Variants in SLC35F3 observed in about 807,000 individuals in gnomAD.
SLC35F3 encodes putative thiamine transporter SLC35F3.
In SLC35F3, 25 loss-of-function variants were observed where a neutral mutation model predicts 49.9. That is an observed-to-expected ratio of 0.50 (90% CI 0.37 to 0.70). The LOEUF (loss-of-function observed/expected upper bound fraction) is 0.70, where lower values mean the gene tolerates loss of function less well. Among genes scored for constraint, SLC35F3 ranks in the 30% least tolerant of loss-of-function variants. The probability of loss-of-function intolerance (pLI) is 0.00; values close to 1 mark genes in which losing one functional copy is unlikely to be tolerated. For missense variants in SLC35F3, 525 were observed against 639.8 expected (o/e 0.82, Z 1.94); for synonymous variants, 275 against 265.4 (o/e 1.04, Z -0.35).
At chr1:234,092,947 C>T (rs1266336616) in intron 2 of SLC35F3, among the ~76,000 whole-genome samples, 4 of 152,164 alleles carry the variant, frequency 2.6e-5, no homozygotes, top group South Asian at 2.1e-4. Context: ...ACTCTCCAGT[C>T]GGCTGAGTCT....
chr1:234,207,342 A>G (rs1040323154), intron 2 of SLC35F3, among the ~76,000 whole-genome samples: 2 of 22,236 alleles, frequency 9.0e-5, no homozygotes, highest in East Asian at 4.0e-3. Flanking sequence ...CTAGAATTCC[A>G]GGTCCTGTTA....
At chr1:234,036,891 T>C (rs1210637943) in intron 2 of SLC35F3, among the ~76,000 whole-genome samples, 1 of 152,218 alleles carries the variant, frequency 6.6e-6, no homozygotes. Context: ...TTTCTTCAGG[T>C]CAACTAAGTC....
Position 233,905,703 on chromosome 1 carries a change from G to T in SLC35F3, c.228G>T (p.Arg76=), listed in dbSNP as rs769471616. The T allele has an allele frequency of 4.3e-6, 7 of 1,614,098 alleles. No homozygotes were observed. The highest frequency in any genetic ancestry group is 1.1e-5 in the South Asian group (1 of 91,088). Reference sequence around the variant, plus strand: ...TGGGGCTCACGTCCATCGAGGAGCGGATCCTGCGCATCACTGGCTACTATG... The same window carrying T: ...TGGGGCTCACGTCCATCGAGGAGCGTATCCTGCGCATCACTGGCTACTATG... The part of the protein sequence containing the change: ...GPVGLTSIEE[R]ILRITGYYGY... The change falls in exon 2 of 8, where the codon CGG becomes CGT. Residue 76 remains arginine (R), a synonymous_variant. Transcript: ENST00000366618.
chr1:234,077,269 G>T (rs965314970), intron 2 of SLC35F3, among the ~76,000 whole-genome samples: 3 of 152,106 alleles, frequency 2.0e-5, no homozygotes, highest in Non-Finnish European at 2.9e-5. Flanking sequence ...CTCCCAAAGT[G>T]CTGGGATTAC....
intron 2 of SLC35F3, among the ~76,000 whole-genome samples, chr1:233,947,512 T>C (rs1390109391): frequency 4.6e-5 from 7 of 151,196 alleles, no homozygotes; most frequent in Non-Finnish European, 1.0e-4. Context: ...GGGATTTCCA[T>C]GTCAGTCTCA....
intron 2 of SLC35F3, among the ~76,000 whole-genome samples, chr1:234,141,826 A>T (rs545547854): frequency 6.6e-6 from 1 of 150,712 alleles, no homozygotes; most frequent in African/African-American, 2.5e-5. Flanking sequence ...CCTTAGCCCT[A>T]ACTCTTTTGC....
At chr1:234,031,990 A>G (rs1664070434) in intron 2 of SLC35F3, among the ~76,000 whole-genome samples, 2 of 152,130 alleles carry the variant, frequency 1.3e-5, no homozygotes, top group Non-Finnish European at 2.9e-5. Context: ...GCACCCCTCC[A>G]ACCCATCCAT....
At chr1:234,281,411 A>C (rs539599978) in intron 3 of SLC35F3, among the ~76,000 whole-genome samples, 3 of 152,148 alleles carry the variant, frequency 2.0e-5, no homozygotes, top group Admixed American at 6.5e-5. Flanking sequence ...GTGCCTCCTT[A>C]TGGCAGCCCA....
intron 2 of SLC35F3, among the ~76,000 whole-genome samples, chr1:233,936,313 T>C (rs535755408): frequency 6.6e-6 from 1 of 152,188 alleles, no homozygotes; most frequent in South Asian, 2.1e-4. Context: ...CAGAGTGACA[T>C]CTCCAGCTCA....
chr1:234,129,751 T>TA (rs1356237657), intron 2 of SLC35F3, among the ~76,000 whole-genome samples: 1 of 152,212 alleles, frequency 6.6e-6, no homozygotes, highest in Admixed American at 6.5e-5. Flanking sequence ...ACAGCATTCA[T>TA]AAAAACATCC....
At chr1:234,100,440 A>C (rs1288305680) in intron 2 of SLC35F3, among the ~76,000 whole-genome samples, 2 of 152,250 alleles carry the variant, frequency 1.3e-5, no homozygotes, top group African/African-American at 2.4e-5. Flanking sequence ...ACTCGCTAAA[A>C]AGGCAGAGAG....
At chr1:233,987,168 T>A (rs563010149) in intron 2 of SLC35F3, among the ~76,000 whole-genome samples, 25 of 152,214 alleles carry the variant, frequency 1.6e-4, no homozygotes, top group African/African-American at 5.8e-4. Flanking sequence ...CACATGCCTG[T>A]AATCTCAGCT....
At chr1:234,059,164 C>A (rs921852498) in intron 2 of SLC35F3, among the ~76,000 whole-genome samples, 4 of 151,102 alleles carry the variant, frequency 2.6e-5, no homozygotes, top group Non-Finnish European at 5.9e-5. Context: ...TTTTTCTATT[C>A]TCTATATCGG....
At chr1:234,208,508 A>G (rs10910382) in intron 2 of SLC35F3, among the ~76,000 whole-genome samples, 18,334 of 152,174 alleles carry the variant, frequency 0.12, 3,123 homozygotes, top group East Asian at 0.84. Flanking sequence ...CTGCTTTCTC[A>G]TTCTAAAGGG....
intron 2 of SLC35F3, among the ~76,000 whole-genome samples, chr1:233,990,209 A>G (rs1449480880): frequency 6.6e-6 from 1 of 152,204 alleles, no homozygotes; most frequent in East Asian, 1.9e-4. Context: ...ACATAATAGT[A>G]TTTATTCATT....
At chr1:234,034,711 T>A (rs1366113289) in intron 2 of SLC35F3, among the ~76,000 whole-genome samples, 1 of 152,004 alleles carries the variant, frequency 6.6e-6, no homozygotes, top group Non-Finnish European at 1.5e-5. Flanking sequence ...TTGGTAGAGA[T>A]GGGGTTTTGC....
At position 234,210,803 on chromosome 1, in the gene SLC35F3, C is replaced by T. The variant is rs112237345; in HGVS notation, c.284-20614C>T. 6.5e-3 allele frequency among the ~76,000 whole-genome samples: 989 copies of T among 152,258 alleles called. 15 individuals are homozygous for T. Among genetic ancestry groups the T allele is most frequent in the African/African-American group, 0.022 (921 of 41,554 alleles). On this transcript the variant is annotated intron_variant, in intron 2 of 7. Coordinates refer to ENST00000366618, the MANE Select transcript of SLC35F3 (RefSeq NM_173508.4). Reference sequence around the variant, plus strand: ...CAATAGAAAGGAAAATCCCATTTTCCGGGGAGAAATTCAAGCCAACTGCAG... The same window carrying T: ...CAATAGAAAGGAAAATCCCATTTTCTGGGGAGAAATTCAAGCCAACTGCAG...
chr1:234,073,072 C>T (rs766805372), intron 2 of SLC35F3, among the ~76,000 whole-genome samples: 2 of 152,148 alleles, frequency 1.3e-5, no homozygotes, highest in East Asian at 3.8e-4. Flanking sequence ...TCATCTGTTC[C>T]GTGTGGATGT....
chr1:233,905,812 G>C, intron 2 of SLC35F3, 54 bp downstream of exon 2: 1 of 1,504,406 alleles, frequency 6.6e-7, no homozygotes, highest in Non-Finnish European at 9.1e-7. Context: ...TCTTACCATT[G>C]TCACAGCAGC....
Sources: allele counts gnomAD v4.1 joint callset (sites outside exome capture counted in the v4.1 genomes callset), GRCh38; gene constraint gnomAD v4.1.1; transcripts MANE v1.5; gene names NCBI Gene and HGNC (gene_info 2026-07-23, HGNC 2026-07-21).